The following ZNF33B variants were observed in gnomAD, a reference collection of about 807,000 sequenced individuals.
ZNF33B encodes the protein zinc finger protein 33B.
ZNF33B carries 29 observed loss-of-function variants against 45.8 expected under a neutral mutation model. The observed-to-expected ratio is 0.63, with a 90% confidence interval of 0.47 to 0.86. The LOEUF (loss-of-function observed/expected upper bound fraction) is 0.86, where lower values mean the gene tolerates loss of function less well. ZNF33B is among the 40% of genes least tolerant of loss of function. The probability of loss-of-function intolerance (pLI) is 0.00; values close to 1 mark genes in which losing one functional copy is unlikely to be tolerated. For synonymous variants in ZNF33B, 305 were observed against 307.8 expected (o/e 0.99, Z 0.10); for missense variants, 831 against 909.9 (o/e 0.91, Z 1.12).
chr10:42,611,594 A>G (rs1433329501), intron 4 of ZNF33B, among the ~76,000 whole-genome samples: 4 of 152,226 alleles, frequency 2.6e-5, no homozygotes, highest in African/African-American at 9.6e-5. Flanking sequence ...GAAAAAACAA[A>G]TTAGACTTCA....
At chr10:42,596,533 A>G (rs1280609101) in intron 4 of ZNF33B, among the ~76,000 whole-genome samples, 1 of 152,222 alleles carries the variant, frequency 6.6e-6, no homozygotes. Context: ...TTTTAAATCT[A>G]TAAGTCATTT....
At chr10:42,611,107 G>C (rs1316654413) in intron 4 of ZNF33B, among the ~76,000 whole-genome samples, 5 of 152,154 alleles carry the variant, frequency 3.3e-5, no homozygotes. Flanking sequence ...CAATTTGGGA[G>C]GCTGAGGCAG....
intron 4 of ZNF33B, among the ~76,000 whole-genome samples, chr10:42,602,247 C>A (rs1457792847): frequency 6.6e-6 from 1 of 151,670 alleles, no homozygotes; most frequent in Non-Finnish European, 1.5e-5. Context: ...TCATCTCAAG[C>A]ATTATAGTTT....
intron 4 of ZNF33B, among the ~76,000 whole-genome samples, chr10:42,607,800 C>A (rs989752202): frequency 2.0e-5 from 3 of 151,884 alleles, no homozygotes; most frequent in African/African-American, 4.8e-5. Flanking sequence ...GTTTCAAACC[C>A]AATAAACCCA....
At chr10:42,613,547 C>CAA (rs200867099) in intron 4 of ZNF33B, among the ~76,000 whole-genome samples, 17 of 110,636 alleles carry the variant, frequency 1.5e-4, no homozygotes, top group South Asian at 8.3e-4. Flanking sequence ...GACTCTCTCT[C>CAA]AAAAAAAAAA....
downstream of ZNF33B, among the ~76,000 whole-genome samples, chr10:42,584,518 CTTTGAGCTTT>C (rs949138854): frequency 2.6e-5 from 4 of 151,214 alleles, no homozygotes; most frequent in African/African-American, 9.7e-5. Context: ...CACCCCTTTC[CTTTGAGCTTT>C]TTTTTTTTTT....
intron 4 of ZNF33B, among the ~76,000 whole-genome samples, chr10:42,613,579 A>G (rs1228821351): frequency 6.6e-6 from 1 of 151,980 alleles, no homozygotes; most frequent in African/African-American, 2.4e-5. Flanking sequence ...AACTAAATAG[A>G]TGATGGATAG....
chr10:42,594,744 T>C (rs370392577), intron 4 of ZNF33B, 45 bp from the exon 5 acceptor site: 24 of 1,506,884 alleles, frequency 1.6e-5, no homozygotes, highest in Non-Finnish European at 2.0e-5. Context: ...TACCAAAACA[T>C]CTCTTAGGGA....
intron 1 of ZNF33B, among the ~76,000 whole-genome samples, chr10:42,576,354 A>T (rs1027627877): frequency 1.3e-5 from 2 of 152,198 alleles, no homozygotes; most frequent in African/African-American, 4.8e-5. Flanking sequence ...TTGCTTATTA[A>T]TATCAATAAA....
intron 4 of ZNF33B, 70 bp from the exon 5 acceptor site, chr10:42,594,769 C>A (rs1182018050): frequency 4.7e-6 from 7 of 1,480,574 alleles, no homozygotes; most frequent in Non-Finnish European, 6.3e-6. Flanking sequence ...AATCTCTACA[C>A]AAATGCCCTA....
chr10:42,607,633 C>G (rs1274779037), intron 4 of ZNF33B, among the ~76,000 whole-genome samples: 1 of 152,030 alleles, frequency 6.6e-6, no homozygotes, highest in Non-Finnish European at 1.5e-5. Flanking sequence ...GAGGTAAATC[C>G]AACTACAGAT....
Position 42,593,119 on chromosome 10 carries a change from A to C in ZNF33B, c.1831T>G (p.Cys611Gly). 6.2e-7 allele frequency: 1 copy of C among 1,613,814 alleles called. No individual in the cohort carries two copies. The highest frequency in any genetic ancestry group is 1.1e-5 in the South Asian group (1 of 91,066). ...CAGAAGGTTTTTCCACATTCATTACATTCATAGGGTTTCTCCCCTGTATGT... is the reference window on the plus strand; with the variant it reads ...CAGAAGGTTTTTCCACATTCATTACCTTCATAGGGTTTCTCCCCTGTATGT... ...RTHTGEKPYE[C>G]NECGKTFCQK... The change falls in exon 5 of 5, where the codon TGT (cysteine) becomes GGT (glycine). Residue 611 changes from cysteine to glycine, a missense_variant. Coordinates refer to ENST00000359467, the MANE Select transcript of ZNF33B (RefSeq NM_006955.3).
intron 4 of ZNF33B, among the ~76,000 whole-genome samples, chr10:42,619,281 T>C (rs1420042084): frequency 6.6e-6 from 1 of 152,216 alleles, no homozygotes; most frequent in Non-Finnish European, 1.5e-5. Flanking sequence ...GAGACCCTCA[T>C]TAATATCAGG....
chr10:42,602,425 G>A (rs1427335959), intron 4 of ZNF33B, among the ~76,000 whole-genome samples: 1 of 151,824 alleles, frequency 6.6e-6, no homozygotes, highest in Non-Finnish European at 1.5e-5. Flanking sequence ...TGGCAATTCT[G>A]AGTCCATTTC....
intron 4 of ZNF33B, among the ~76,000 whole-genome samples, chr10:42,602,527 T>A (rs1184849253): frequency 6.6e-6 from 1 of 152,214 alleles, no homozygotes; most frequent in Non-Finnish European, 1.5e-5. Flanking sequence ...CTGAGAGTTT[T>A]ACTTGGTTGG....
rs143400502 is a variant in ZNF33B, at chr10:42,622,125, A to G, written c.250+9804T>C. On this transcript the variant is annotated intron_variant, in intron 4 of 4. Transcript: ENST00000359467. Reference sequence around the variant, plus strand: ...TAAAATACTATCTAGAAATAAAGTTAACCAAGAAGGTGCAAGACTTGTATA... The same window carrying G: ...TAAAATACTATCTAGAAATAAAGTTGACCAAGAAGGTGCAAGACTTGTATA... Among the ~76,000 whole-genome samples the G allele has an allele frequency of 3.8e-3, 574 of 152,346 alleles. 2 individuals are homozygous for G. Among genetic ancestry groups the G allele is most frequent in the African/African-American group, 0.012 (516 of 41,590 alleles).
chr10:42,596,900 T>TC (rs775980973), intron 4 of ZNF33B, among the ~76,000 whole-genome samples: 4 of 152,010 alleles, frequency 2.6e-5, no homozygotes, highest in African/African-American at 9.7e-5. Flanking sequence ...CTACTTCTTT[T>TC]CCACTCTAGT....
At chr10:42,579,176 C>A (rs1240904413) in intron 1 of ZNF33B, among the ~76,000 whole-genome samples, 1 of 152,142 alleles carries the variant, frequency 6.6e-6, no homozygotes, top group Non-Finnish European at 1.5e-5. Context: ...GAAGATAACA[C>A]CTTTATCTTT....
intron 1 of ZNF33B, among the ~76,000 whole-genome samples, chr10:42,575,412 C>G (rs190274834): frequency 8.1e-4 from 124 of 152,286 alleles, no homozygotes; most frequent in Non-Finnish European, 1.3e-3. Context: ...CAGAGGGAAC[C>G]TGGCCCTGCC....
Sources: gnomAD v4.1 joint callset for allele counts (sites outside exome capture counted in the v4.1 genomes callset) on GRCh38, gnomAD v4.1.1 for gene constraint, MANE v1.5 for transcripts, NCBI Gene and HGNC (gene_info 2026-07-23, HGNC 2026-07-21) for gene names.